Variants in ANKRD17 observed in about 807,000 individuals in gnomAD.
The protein encoded by ANKRD17 is ankyrin repeat domain-containing protein 17.
ANKRD17 carries 19 observed loss-of-function variants against 229.7 expected under a neutral mutation model. The ratio of observed to expected loss-of-function variants is 0.08; its 90% CI spans 0.06 to 0.12. The LOEUF (loss-of-function observed/expected upper bound fraction) is 0.12, where lower values mean the gene tolerates loss of function less well. Ranked by LOEUF, ANKRD17 falls within the 10% of genes least tolerant of loss-of-function variation. The probability of loss-of-function intolerance (pLI) is 1.00; values close to 1 mark genes in which losing one functional copy is unlikely to be tolerated. For synonymous variants in ANKRD17, 1,112 were observed against 1,146.1 expected, an observed-to-expected ratio of 0.97 and a Z score of 0.60; for missense variants, 2,176 against 3,176.8, an observed-to-expected ratio of 0.68 and a Z score of 7.57.
At chr4:73,077,184 T>C in intron 32 of ANKRD17, 80 bp from the exon 33 acceptor site, 1 of 1,421,066 alleles carries the variant, frequency 7.0e-7, no homozygotes, top group South Asian at 1.6e-5. Context: ...TTAAAATTGA[T>C]ATTTGAAAGT....
At chr4:73,177,118 C>G (rs957389959) in intron 2 of ANKRD17, among the ~76,000 whole-genome samples, 1 of 152,154 alleles carries the variant, frequency 6.6e-6, no homozygotes, top group Non-Finnish European at 1.5e-5. Flanking sequence ...TTCACAAATA[C>G]ATAATTCACG....
At chr4:73,086,919 A>AATAT (rs61024099) in intron 29 of ANKRD17, among the ~76,000 whole-genome samples, 324 of 12,438 alleles carry the variant, frequency 0.026, 24 homozygotes, top group Non-Finnish European at 0.037. Context: ...AAAAAAAAAA[A>AATAT]ATATATATAT....
chr4:73,087,689 GTTA>G (rs988642365), intron 29 of ANKRD17, among the ~76,000 whole-genome samples: 10 of 152,170 alleles, frequency 6.6e-5, no homozygotes, highest in Non-Finnish European at 8.8e-5. Flanking sequence ...TATGTTGGGT[GTTA>G]TTATCAAATT....
Position 73,144,755 on chromosome 4 carries a change from T to G in ANKRD17, c.1947A>C (p.Leu649Phe). 2 of 1,564,656 alleles carry G rather than the reference T, an allele frequency of 1.3e-6. No homozygotes were observed. The highest frequency in any genetic ancestry group is 1.7e-6 in the Non-Finnish European group (2 of 1,158,794). The change falls in exon 11 of 34, where the codon TTA becomes TTC. Residue 649 changes from leucine to phenylalanine, a missense_variant. Transcript: ENST00000358602. ...RAGHVCTVQF[L>F]ISKGANVNRT... Reference sequence around the variant, plus strand: ...TTTATACAAACCTACCTTTACTAATTAAGAACTGAACAGTACAAACATGAC... The same window carrying G: ...TTTATACAAACCTACCTTTACTAATGAAGAACTGAACAGTACAAACATGAC...
chr4:73,258,134 A>C, intron 1 of ANKRD17, 142 bp downstream of exon 1: 1 of 1,421,320 alleles, frequency 7.0e-7, no homozygotes, highest in South Asian at 1.3e-5. Context: ...ATTTAGGCCG[A>C]GGGAAGAAAG....
chr4:73,235,437 C>T (rs1449212738), intron 1 of ANKRD17, among the ~76,000 whole-genome samples: 1 of 152,188 alleles, frequency 6.6e-6, no homozygotes, highest in Admixed American at 6.5e-5. Context: ...CCACATACAC[C>T]CAAGTACACA....
intron 1 of ANKRD17, among the ~76,000 whole-genome samples, chr4:73,245,205 C>A (rs936598744): frequency 2.2e-5 from 3 of 137,564 alleles, no homozygotes; most frequent in African/African-American, 7.3e-5. Context: ...TGTTGCTTTT[C>A]CACCTGTAAT....
rs200764416 is a variant in ANKRD17 at position 73,258,221 on chromosome 4, G to T, written c.393+55C>A. The T allele has an allele frequency of 1.1e-3, 1,691 of 1,610,386 alleles. 40 individuals are homozygous for T. The South Asian group carries it at 0.017, about 17-fold the overall frequency. On this transcript the variant is annotated intron_variant, in intron 1 of 33. Coordinates refer to ENST00000358602, the MANE Select transcript of ANKRD17 (RefSeq NM_032217.5). Reference sequence around the variant, plus strand: ...CACTCCAAATCCCCTCCCACCTTCGGCCCCTATCCCTTACAGTCCCTTCCT... The same window carrying T: ...CACTCCAAATCCCCTCCCACCTTCGTCCCCTATCCCTTACAGTCCCTTCCT...
At chr4:73,166,600 G>A (rs180813075) in intron 2 of ANKRD17, among the ~76,000 whole-genome samples, 1 of 152,140 alleles carries the variant, frequency 6.6e-6, no homozygotes, top group African/African-American at 2.4e-5. Flanking sequence ...TGATACATAA[G>A]GAAACACACA....
At chr4:73,080,961 C>T (rs1254605009) in intron 30 of ANKRD17, among the ~76,000 whole-genome samples, 2 of 152,208 alleles carry the variant, frequency 1.3e-5, no homozygotes, top group Non-Finnish European at 2.9e-5. Flanking sequence ...TTTTAATAAA[C>T]AGAATTACTA....
rs556594648 is a variant in ANKRD17 at position 73,155,757 on chromosome 4, T to A, written c.874A>T (p.Asn292Tyr). The stretch of plus-strand genomic sequence containing the variant: ...CCTTTGATTCCCCTATCTTCCACAT[T>A]TGCATGCATTGCCAACAAAACCTTA... ...LAQVLLAMHA[N>Y]VEDRGIKGDI... Residue 292 changes from asparagine to tyrosine, a missense_variant, in exon 5 of 34, where the codon AAT (asparagine) becomes TAT (tyrosine). By Grantham distance (143) the Asn-to-Tyr change is moderately radical (BLOSUM62 -2). This residue lies in a region of ANKRD17 where 184 missense variants were observed against 357.8 expected (regional missense o/e 0.51). Coordinates refer to ENST00000358602, the MANE Select transcript of ANKRD17 (RefSeq NM_032217.5). The A allele has an allele frequency of 6.2e-7, 1 of 1,613,914 alleles. No individual in the cohort carries two copies. Among genetic ancestry groups the A allele is most frequent in the Non-Finnish European group, 8.5e-7 (1 of 1,179,978 alleles).
At chr4:73,211,598 G>A (rs1217591456) in intron 1 of ANKRD17, among the ~76,000 whole-genome samples, 1 of 152,150 alleles carries the variant, frequency 6.6e-6, no homozygotes, top group East Asian at 1.9e-4. Context: ...TGTAATCTCA[G>A]CACTTTGGGA....
chr4:73,131,798 A>C (rs1311679774), intron 16 of ANKRD17, among the ~76,000 whole-genome samples: 1 of 152,212 alleles, frequency 6.6e-6, no homozygotes, highest in Non-Finnish European at 1.5e-5. Context: ...TGTTACAAAG[A>C]TTAAGTTAAA....
intron 1 of ANKRD17, among the ~76,000 whole-genome samples, chr4:73,210,137 C>T (rs2149150349): frequency 6.6e-6 from 1 of 151,952 alleles, no homozygotes; most frequent in South Asian, 2.1e-4. Flanking sequence ...AAGGCATAAC[C>T]ATGGGAGATG....
intron 1 of ANKRD17, among the ~76,000 whole-genome samples, chr4:73,206,197 C>T (rs181977105): frequency 6.6e-6 from 1 of 152,032 alleles, no homozygotes; most frequent in East Asian, 1.9e-4. Context: ...AAATTGAAAA[C>T]AGAACTACCA....
intron 1 of ANKRD17, among the ~76,000 whole-genome samples, chr4:73,228,804 A>G (rs1578468400): frequency 6.6e-6 from 1 of 152,324 alleles, no homozygotes. Flanking sequence ...AAGGATTATA[A>G]ATCATGCTGC....
At chr4:73,244,996 G>C (rs567101640) in intron 1 of ANKRD17, among the ~76,000 whole-genome samples, 37 of 152,066 alleles carry the variant, frequency 2.4e-4, no homozygotes, top group African/African-American at 8.5e-4. Flanking sequence ...CTATAAAGCA[G>C]TTTGCAAGCA....
Position 73,074,979 on chromosome 4 carries a change from T to C in ANKRD17, c.*1252A>G, listed in dbSNP as rs1265898437. On this transcript the variant is annotated 3_prime_UTR_variant, in exon 34 of 34. Transcript: ENST00000358602. ...TTTTATAAACAGGTTAAATGGAGAC[T>C]TTACACTGTAATCTGTGTATTTATC... The C allele has an allele frequency of 1.3e-5, 2 of 152,484 alleles. No homozygotes were observed. Among genetic ancestry groups the C allele is most frequent in the African/African-American group, 4.8e-5 (2 of 41,440 alleles). The allele number at this position is 152,484 out of a possible 1,614,324, so 9.4% of individuals were successfully genotyped here.
intron 1 of ANKRD17, among the ~76,000 whole-genome samples, chr4:73,208,041 T>C (rs951782263): frequency 6.6e-6 from 1 of 151,436 alleles, no homozygotes; most frequent in African/African-American, 2.4e-5. Context: ...ACAAAAAAAT[T>C]CTCCAGGCGT....
Sources: gnomAD v4.1 joint callset for allele counts (sites outside exome capture counted in the v4.1 genomes callset) on GRCh38, gnomAD v4.1.1 for gene constraint, gnomAD v4.1.1 regional missense constraint, MANE v1.5 for transcripts, NCBI Gene and HGNC (gene_info 2026-07-23, HGNC 2026-07-21) for gene names.